Variants in RECK observed in about 807,000 individuals in gnomAD.
RECK encodes reversion inducing cysteine rich protein with kazal motifs.
In RECK, 69 loss-of-function variants were observed where a neutral mutation model predicts 115.1. That is an observed-to-expected ratio of 0.60 (90% CI 0.49 to 0.73). RECK has a LOEUF of 0.73. Ranked by LOEUF, RECK falls within the 30% of genes least tolerant of loss-of-function variation. The pLI is 0.00. For synonymous variants in RECK, 414 were observed against 419.7 expected (o/e 0.99, Z 0.17); for missense variants, 1,047 against 1,203.7 (o/e 0.87, Z 1.93).
chr9:36,105,166 G>A lies in RECK; in HGVS notation c.1459G>A (p.Val487Ile), dbSNP rs1229095472. The A allele has an allele frequency of 6.2e-7, 1 of 1,614,028 alleles. No homozygotes were observed. Among genetic ancestry groups the A allele is most frequent in the East Asian group, 2.2e-5 (1 of 44,858 alleles). The part of the protein sequence containing the change: ...YLRPSTLGNI[V>I]EEVTHPCNPN... ...AGGGCCAAGTACTTTAGGTAACATT[G>A]TAGAAGAAGTGACTCATCCCTGTAA... Residue 487 changes from valine (V) to isoleucine (I), a missense_variant, in exon 13 of 21, where the codon GTA becomes ATA. Transcript: ENST00000377966.
intron 15 of RECK, among the ~76,000 whole-genome samples, chr9:36,111,455 G>A (rs185649485): frequency 3.3e-5 from 5 of 152,226 alleles, no homozygotes; most frequent in Admixed American, 6.5e-5. Context: ...GTGCAATGGC[G>A]TGATCTCGGC....
At chr9:36,120,636 G>C in intron 18 of RECK, 27 bp from the exon 19 acceptor site, 1 of 1,529,182 alleles carries the variant, frequency 6.5e-7, no homozygotes, top group Non-Finnish European at 9.0e-7. Context: ...AATTCTGAAC[G>C]CACATAAAAT....
rs761385396 is a variant in RECK, at chr9:36,091,230, C to T, written c.972C>T (p.Arg324=). Reference sequence around the variant, plus strand: ...CACAGAGTTGGCAAGAGTTTGATCGCTTTTGTGAATATAATCCAGTGGAAG... The same window carrying T: ...CACAGAGTTGGCAAGAGTTTGATCGTTTTTGTGAATATAATCCAGTGGAAG... ...GNTQSWQEFD[R]FCEYNPVEVS... Residue 324 remains arginine, a synonymous_variant, in exon 10 of 21, where the codon CGC becomes CGT. Transcript: ENST00000377966. 6 of 1,613,982 alleles carry T rather than the reference C, an allele frequency of 3.7e-6. No homozygotes were observed. Among genetic ancestry groups the T allele is most frequent in the Non-Finnish European group, 5.1e-6 (6 of 1,179,918 alleles).
chr9:36,091,513 CACTATT>C (rs778712519), intron 10 of RECK, among the ~76,000 whole-genome samples, 170 bp downstream of exon 10: 2 of 152,148 alleles, frequency 1.3e-5, no homozygotes, highest in Non-Finnish European at 2.9e-5. Context: ...GGAAAGGAAA[CACTATT>C]ACAAAGTCCC....
At chr9:36,046,137 C>G (rs978825414) in intron 1 of RECK, among the ~76,000 whole-genome samples, 8 of 152,030 alleles carry the variant, frequency 5.3e-5, no homozygotes, top group African/African-American at 1.9e-4. Context: ...TGAAAATAAG[C>G]AGAGTTTTAA....
intron 1 of RECK, among the ~76,000 whole-genome samples, chr9:36,042,287 A>T (rs1564095615): frequency 6.6e-6 from 1 of 151,904 alleles, no homozygotes; most frequent in South Asian, 2.1e-4. Context: ...CTTAGCTGCC[A>T]CTTGATAAAT....
intron 1 of RECK, among the ~76,000 whole-genome samples, chr9:36,039,980 G>T (rs1820814995): frequency 6.6e-6 from 1 of 152,146 alleles, no homozygotes; most frequent in African/African-American, 2.4e-5. Context: ...ACTTTTCACT[G>T]TGTGCCACTT....
chr9:36,089,643 A>G (rs1823087805), intron 9 of RECK, among the ~76,000 whole-genome samples: 1 of 152,206 alleles, frequency 6.6e-6, no homozygotes, highest in Non-Finnish European at 1.5e-5. Flanking sequence ...TATCATGCAC[A>G]AAATTATTTA....
chr9:36,086,373 G>A (rs536767667), intron 8 of RECK, among the ~76,000 whole-genome samples: 3 of 152,168 alleles, frequency 2.0e-5, no homozygotes, highest in Non-Finnish European at 4.4e-5. Flanking sequence ...GAGTGTTACA[G>A]CTCTTAAAGG....
intron 13 of RECK, among the ~76,000 whole-genome samples, chr9:36,107,023 G>A (rs976198783): frequency 6.0e-5 from 9 of 150,418 alleles, no homozygotes; most frequent in African/African-American, 1.5e-4. Context: ...GGAGAATGGC[G>A]TGAACCTGGG....
chr9:36,089,190 A>C (rs561376212), intron 9 of RECK, among the ~76,000 whole-genome samples: 6 of 152,340 alleles, frequency 3.9e-5, no homozygotes, highest in South Asian at 2.1e-4. Flanking sequence ...GAAGTTAATA[A>C]ATATATTTAT....
chr9:36,048,957 A>G (rs1462360278), intron 1 of RECK, among the ~76,000 whole-genome samples: 1 of 152,174 alleles, frequency 6.6e-6, no homozygotes, highest in Non-Finnish European at 1.5e-5. Context: ...CCAACTGGCT[A>G]TAAATCCACG....
Position 36,093,017 on chromosome 9 carries a change from T to C in RECK, c.1085+1674T>C, listed in dbSNP as rs114397038. Among the ~76,000 whole-genome samples the C allele has an allele frequency of 4.2e-3, 644 of 152,284 alleles. 5 individuals are homozygous for C. The highest frequency in any genetic ancestry group is 0.015 in the African/African-American group (607 of 41,554). On this transcript the variant is annotated intron_variant, in intron 10 of 20. Coordinates refer to ENST00000377966, the MANE Select transcript of RECK (RefSeq NM_021111.3). ...CCCAGGGGAAGGTGAACATAGACTA[T>C]AGCAGTTAGCATTTGCTGGGCAGAC...
intron 1 of RECK, among the ~76,000 whole-genome samples, chr9:36,048,653 A>G (rs958458618): frequency 1.3e-5 from 2 of 152,010 alleles, no homozygotes; most frequent in African/African-American, 2.4e-5. Flanking sequence ...TCTTGTCTAG[A>G]TTTTGTCCTA....
At chr9:36,058,532 T>C (rs1289012438) in intron 2 of RECK, among the ~76,000 whole-genome samples, 1 of 140,442 alleles carries the variant, frequency 7.1e-6, no homozygotes, top group Non-Finnish European at 1.6e-5. Flanking sequence ...GGGATAGCAC[T>C]GGGAGATATA....
In RECK at chr9:36,124,405, A is replaced by G. The variant is rs183723576; in HGVS notation, c.*1360A>G. ...TTTTCTGTATAAATGTCTTTAATGC[A>G]ATATACTGGAAAGCTTTTCTATTTT... On this transcript the variant is annotated 3_prime_UTR_variant, in exon 21 of 21. Coordinates refer to ENST00000377966, the MANE Select transcript of RECK (RefSeq NM_021111.3). The G allele has an allele frequency of 1.5e-4, 23 of 152,742 alleles. No individual in the cohort carries two copies. The highest frequency in any genetic ancestry group is 1.2e-3 in the East Asian group (6 of 5,184). 9.5% of individuals were successfully genotyped at this position (152,742 alleles called of 1,614,324 possible).
intron 1 of RECK, among the ~76,000 whole-genome samples, chr9:36,047,148 G>A (rs1284308517): frequency 6.6e-6 from 1 of 152,176 alleles, no homozygotes; most frequent in Non-Finnish European, 1.5e-5. Flanking sequence ...TTGTGTTAGA[G>A]GCTAGTAGTA....
chr9:36,047,809 CAAAA>C (rs148573065), intron 1 of RECK, among the ~76,000 whole-genome samples: 3 of 83,502 alleles, frequency 3.6e-5, no homozygotes, highest in Admixed American at 1.3e-4. Context: ...AAGCCAGTCT[CAAAA>C]AAAAAAAAAA....
chr9:36,038,339 A>G (rs979773901), intron 1 of RECK, among the ~76,000 whole-genome samples: 9 of 152,188 alleles, frequency 5.9e-5, no homozygotes, highest in Non-Finnish European at 1.3e-4. Context: ...AACTATAGCT[A>G]GGTTTCAAAT....
Sources: allele counts gnomAD v4.1 joint callset (sites outside exome capture counted in the v4.1 genomes callset), GRCh38; gene constraint gnomAD v4.1.1; transcripts MANE v1.5; gene names NCBI Gene and HGNC (gene_info 2026-07-23, HGNC 2026-07-21).